DYNC2H1: variants seen among roughly 807,000 people sequenced by gnomAD.
DYNC2H1 encodes the protein dynein cytoplasmic 2 heavy chain 1.
In DYNC2H1, 410 loss-of-function variants were observed where a neutral mutation model predicts 570.0. That is an observed-to-expected ratio of 0.72 (90% confidence interval 0.66 to 0.78). The LOEUF (loss-of-function observed/expected upper bound fraction) is 0.78, where lower values mean the gene tolerates loss of function less well. DYNC2H1 is among the 30% of genes least tolerant of loss of function. DYNC2H1 has a pLI of 0.00. For synonymous variants in DYNC2H1, 1,688 were observed against 1,677.6 expected, an observed-to-expected ratio of 1.01 and a Z score of -0.15; for missense variants, 4,865 against 5,046.4, an observed-to-expected ratio of 0.96 and a Z score of 1.09.
intron 84 of DYNC2H1, among the ~76,000 whole-genome samples, chr11:103,430,127 C>T (rs919806543): frequency 2.6e-5 from 4 of 152,020 alleles, no homozygotes; most frequent in Admixed American, 2.0e-4. Flanking sequence ...CAAGTAATTC[C>T]ATCATTAAAT....
chr11:103,127,591 C>G (rs1859064774), intron 12 of DYNC2H1, among the ~76,000 whole-genome samples: 1 of 152,114 alleles, frequency 6.6e-6, no homozygotes, highest in Non-Finnish European at 1.5e-5. Context: ...CTACTATGTG[C>G]CAAGAATTTT....
chr11:103,237,750 G>T (rs1048027369), intron 63 of DYNC2H1, among the ~76,000 whole-genome samples: 1 of 151,390 alleles, frequency 6.6e-6, no homozygotes, highest in Non-Finnish European at 1.5e-5. Context: ...AAAAAAAAAG[G>T]TTTAAGAATT....
chr11:103,460,026 T>G (rs1944958334), intron 87 of DYNC2H1, among the ~76,000 whole-genome samples: 1 of 151,010 alleles, frequency 6.6e-6, no homozygotes, highest in Admixed American at 6.6e-5. Flanking sequence ...AATTTTGTCG[T>G]TTTGTTTTGT....
chr11:103,207,424 T>C (rs892805325), intron 52 of DYNC2H1, among the ~76,000 whole-genome samples: 2 of 151,952 alleles, frequency 1.3e-5, no homozygotes, highest in Non-Finnish European at 2.9e-5. Flanking sequence ...CCTATGAGAA[T>C]GGAGGAATCA....
At chr11:103,390,226 G>A (rs1245899022) in intron 83 of DYNC2H1, among the ~76,000 whole-genome samples, 2 of 152,116 alleles carry the variant, frequency 1.3e-5, no homozygotes, top group Non-Finnish European at 2.9e-5. Flanking sequence ...TCTTCTTGTT[G>A]TATGGATCCC....
rs770082706 is a variant in DYNC2H1, at chr11:103,186,309, C to T, written c.6701C>T (p.Thr2234Ile). The T allele has an allele frequency of 3.1e-6, 5 of 1,612,574 alleles. No individual in the cohort carries two copies. In the East Asian group the frequency reaches 1.1e-4, roughly 36 times the overall value. The change falls in exon 42 of 89, where the codon ACT (threonine) becomes ATT (isoleucine). Residue 2234 changes from threonine (T) to isoleucine (I), a missense_variant. Thr to Ile is a moderately conservative substitution (Grantham distance 89, BLOSUM62 -1). Around this residue, in one of 5 missense-constraint regions of DYNC2H1, gnomAD observed 2,401 missense variants for 2,454.6 expected, o/e 0.98. Transcript: ENST00000375735. The surrounding 1 kb of genome is among the most constrained non-coding windows in gnomAD (Gnocchi z 4.5). Reference protein sequence around the residue: ...HKPMDTYYDSTRGRLATYVLK... With the variant: ...HKPMDTYYDSIRGRLATYVLK... ...CCTATGGATACCTACTATGACTCTA[C>T]TAGGGGTCGATTAGCAACATATGTG...
At chr11:103,207,017 C>A (rs945586225) in intron 52 of DYNC2H1, among the ~76,000 whole-genome samples, 1 of 151,852 alleles carries the variant, frequency 6.6e-6, no homozygotes, top group African/African-American at 2.4e-5. Context: ...TGCCTCCTGG[C>A]TTCATGCGAT....
At chr11:103,400,801 C>G (rs7109558) in intron 84 of DYNC2H1, among the ~76,000 whole-genome samples, 44,816 of 151,814 alleles carry the variant, frequency 0.3, 6,664 homozygotes, top group South Asian at 0.35. Flanking sequence ...ATTAAAATAT[C>G]CAGTGCTTTT....
intron 6 of DYNC2H1, among the ~76,000 whole-genome samples, chr11:103,118,143 G>A (rs1858512019): frequency 6.6e-6 from 1 of 151,980 alleles, no homozygotes; most frequent in South Asian, 2.1e-4. Flanking sequence ...GGGGTCTTTT[G>A]GCTATTGCAA....
rs1246130580 is a variant in DYNC2H1, at chr11:103,207,302, A to G, written c.8454+2338A>G. ...TGCTGTTGAGAATGATTTAATAGGG[A>G]AGCAAAAAATATGTGATGCAAAACA... On this transcript the variant is annotated intron_variant, in intron 52 of 88. Coordinates refer to ENST00000375735, the MANE Select transcript of DYNC2H1 (RefSeq NM_001377.3). Among the ~76,000 whole-genome samples the G allele has an allele frequency of 2.7e-5, 4 of 150,746 alleles. No homozygotes were observed. The East Asian group carries it at 7.8e-4, about 29-fold the overall frequency.
In DYNC2H1 at chr11:103,293,874, C is replaced by G. The variant is rs187333701; in HGVS notation, c.11095+6269C>G. Among the ~76,000 whole-genome samples, 623 of 152,156 alleles carry G rather than the reference C, an allele frequency of 4.1e-3. 2 individuals carry two copies. Among genetic ancestry groups the G allele is most frequent in the South Asian group, 6.4e-3 (31 of 4,822 alleles). Reference sequence around the variant, plus strand: ...GGCGGATCACTTGAGGTCAGGAATTCAACACCAGCCTGGCCAACATGGTGA... The same window carrying G: ...GGCGGATCACTTGAGGTCAGGAATTGAACACCAGCCTGGCCAACATGGTGA... On this transcript the variant is annotated intron_variant, in intron 75 of 88. Coordinates refer to ENST00000375735, the MANE Select transcript of DYNC2H1 (RefSeq NM_001377.3).
At chr11:103,315,377 G>T (rs765482811) in intron 79 of DYNC2H1, among the ~76,000 whole-genome samples, 1 of 152,036 alleles carries the variant, frequency 6.6e-6, no homozygotes, top group Non-Finnish European at 1.5e-5. Context: ...TTGTTTAAAT[G>T]CTTTGTTAAG....
Position 103,299,053 on chromosome 11 carries a change from A to G in DYNC2H1, c.11096-4040A>G, listed in dbSNP as rs916372931. On this transcript the variant is annotated intron_variant, in intron 75 of 88. Transcript: ENST00000375735. This position sits in a 1 kb window ranked among gnomAD's most constrained non-coding sequence, Gnocchi z 4.5. ...TCTGATATAATTTTGACTTAAAATG[A>G]CTATCATGAGGAGTATATTATACTA... 1.3e-5 allele frequency among the ~76,000 whole-genome samples: 2 copies of G among 152,142 alleles called. No individual in the cohort carries two copies. The highest frequency in any genetic ancestry group is 4.8e-5 in the African/African-American group (2 of 41,454).
chr11:103,274,122 T>TTG (rs202241349), intron 70 of DYNC2H1, among the ~76,000 whole-genome samples: 8,410 of 148,544 alleles, frequency 0.057, 305 homozygotes, highest in Middle Eastern at 0.13. Flanking sequence ...GTACATTTGT[T>TTG]TGTGTGTGTG....
chr11:103,390,128 G>A lies in DYNC2H1; in HGVS notation c.12157-9535G>A, dbSNP rs1324670219. On this transcript the variant is annotated intron_variant, in intron 83 of 88. Coordinates refer to ENST00000375735, the MANE Select transcript of DYNC2H1 (RefSeq NM_001377.3). ...AGTCTCCCATTATTATTGTGTGGGA[G>A]TCTAAGTCTCTTTGTAGGTCTCTAA... Among the ~76,000 whole-genome samples the A allele has an allele frequency of 2.0e-5, 3 of 152,290 alleles. No individual in the cohort carries two copies. The East Asian group carries it at 5.8e-4, about 29-fold the overall frequency.
intron 83 of DYNC2H1, among the ~76,000 whole-genome samples, chr11:103,361,556 T>A (rs1940642447): frequency 6.6e-6 from 1 of 152,186 alleles, no homozygotes; most frequent in Non-Finnish European, 1.5e-5. Flanking sequence ...GTGGGTATGA[T>A]CTAGTTTACA....
At position 103,465,724 on chromosome 11, in the gene DYNC2H1, T is replaced by C. The variant is rs1367052065; in HGVS notation, c.12649-2865T>C. 2.8e-5 allele frequency among the ~76,000 whole-genome samples: 3 copies of C among 106,720 alleles called. No homozygotes were observed. Among genetic ancestry groups the C allele is most frequent in the Non-Finnish European group, 5.9e-5 (3 of 50,426 alleles). 70.0% of individuals were successfully genotyped at this position (106,720 alleles called of 152,430 possible). A position where few individuals can be genotyped will look rare whatever the true frequency, so the allele number is the denominator to read the frequency against. On this transcript the variant is annotated intron_variant, in intron 87 of 88. Transcript: ENST00000375735. This position sits in a 1 kb window ranked among gnomAD's most constrained non-coding sequence, Gnocchi z 4.9. ...GCCCTCTCATACTGTAGGTACCTCA[T>C]ACTGAGGTACCTCAGTCCTTCACAT...
intron 84 of DYNC2H1, chr11:103,402,296 A>T (rs1438791150): frequency 6.6e-6 from 1 of 152,168 alleles, no homozygotes; most frequent in Non-Finnish European, 1.5e-5. Flanking sequence ...AATGCCCTGA[A>T]GAAACCAGCA....
intron 47 of DYNC2H1, among the ~76,000 whole-genome samples, chr11:103,197,292 CTG>C (rs1443895116): frequency 6.6e-6 from 1 of 151,892 alleles, no homozygotes. Context: ...ATGGGACAAA[CTG>C]AGAATAGACA....
Sources: gnomAD v4.1 joint callset for allele counts (sites outside exome capture counted in the v4.1 genomes callset) on GRCh38, gnomAD v4.1.1 for gene constraint, gnomAD v4.1.1 regional missense constraint, Gnocchi (gnomAD v3.1) non-coding constraint, MANE v1.5 for transcripts, NCBI Gene and HGNC (gene_info 2026-07-23, HGNC 2026-07-21) for gene names.